Variants in DUSP13B observed in about 807,000 individuals in gnomAD.
DUSP13B encodes the protein dual specificity phosphatase 13B.
the DUSP13B span, among the ~76,000 whole-genome samples, chr10:75,095,253 T>A: frequency 6.6e-6 from 1 of 152,154 alleles, no homozygotes; most frequent in Non-Finnish European, 1.5e-5. Flanking sequence ...CCCCTGCAGC[T>A]CTATGCCAAG....
the DUSP13B span, chr10:75,103,898 G>C: frequency 7.6e-7 from 1 of 1,308,816 alleles, no homozygotes; most frequent in African/African-American, 1.5e-5. Flanking sequence ...TCCCACCTGT[G>C]GAGACTGAAG....
the DUSP13B span, chr10:75,104,102 A>C: frequency 7.5e-7 from 1 of 1,339,918 alleles, no homozygotes; most frequent in Admixed American, 2.1e-5. Flanking sequence ...CCAGCTCTGG[A>C]AGAGAGATGA....
chr10:75,108,306 G>A, the DUSP13B span: 1 of 1,494,334 alleles, frequency 6.7e-7, no homozygotes, highest in Non-Finnish European at 8.8e-7. Flanking sequence ...CGAGCCATTA[G>A]GGTCCAAAGA....
At chr10:75,103,920 G>A in the DUSP13B span, 1 of 1,314,728 alleles carries the variant, frequency 7.6e-7, no homozygotes, top group Non-Finnish European at 1.0e-6. Context: ...CAGTGGCTGA[G>A]AGGGGGTGTA....
chr10:75,098,778 C>T, the DUSP13B span, among the ~76,000 whole-genome samples: 2 of 152,138 alleles, frequency 1.3e-5, no homozygotes, highest in Non-Finnish European at 2.9e-5. Flanking sequence ...AACAAAAAGC[C>T]TGATGTCTCA....
chr10:75,101,422 C>A, the DUSP13B span, among the ~76,000 whole-genome samples: 1 of 152,162 alleles, frequency 6.6e-6, no homozygotes, highest in African/African-American at 2.4e-5. Context: ...AACTTCCCTA[C>A]GGGACAGTGA....
chr10:75,096,809 A>C, the DUSP13B span, among the ~76,000 whole-genome samples: 1 of 152,188 alleles, frequency 6.6e-6, no homozygotes, highest in African/African-American at 2.4e-5. Flanking sequence ...AATAGTCAAA[A>C]AGTGGAAACA....
the DUSP13B span, among the ~76,000 whole-genome samples, chr10:75,097,239 G>A: frequency 2.0e-5 from 3 of 150,902 alleles, no homozygotes; most frequent in East Asian, 1.9e-4. Flanking sequence ...ACAGAGTTTC[G>A]CTCTTATTGT....
chr10:75,107,063 C>A, the DUSP13B span, among the ~76,000 whole-genome samples: 1 of 152,198 alleles, frequency 6.6e-6, no homozygotes, highest in East Asian at 1.9e-4. Context: ...GGGCCGGGTG[C>A]GGTGGCTCAT....
chr10:75,103,491 G>A, the DUSP13B span, among the ~76,000 whole-genome samples: 20 of 152,238 alleles, frequency 1.3e-4, no homozygotes, highest in Admixed American at 1.0e-3. Context: ...CCTGAGGCCA[G>A]AGAGATGGTC....
the DUSP13B span, among the ~76,000 whole-genome samples, chr10:75,095,962 A>T: frequency 6.6e-6 from 1 of 151,690 alleles, no homozygotes; most frequent in Non-Finnish European, 1.5e-5. Context: ...GGAGTTTAAG[A>T]CTCCTTTTCG....
chr10:75,098,234 G>A, the DUSP13B span, among the ~76,000 whole-genome samples: 1 of 152,128 alleles, frequency 6.6e-6, no homozygotes, highest in Non-Finnish European at 1.5e-5. Flanking sequence ...GGACTTTGTA[G>A]GGATGAAAGC....
At chr10:75,101,814 A>G in the DUSP13B span, 1 of 1,053,152 alleles carries the variant, frequency 9.5e-7, no homozygotes, top group Non-Finnish European at 1.3e-6. Context: ...CTCATTACCC[A>G]GCATGCTCAG....
At chr10:75,105,754 T>C in the DUSP13B span, 1 of 1,553,398 alleles carries the variant, frequency 6.4e-7, no homozygotes, top group South Asian at 1.2e-5. Context: ...CCATCGGTGC[T>C]GCCTCACGGT....
the DUSP13B span, chr10:75,109,035 A>G: frequency 6.2e-7 from 1 of 1,610,810 alleles, no homozygotes; most frequent in Non-Finnish European, 8.5e-7. Context: ...GGTTGGGCCA[A>G]ACTTCGTCCA....
chr10:75,106,424 TCTGA>T, the DUSP13B span, among the ~76,000 whole-genome samples: 1 of 152,178 alleles, frequency 6.6e-6, no homozygotes, highest in Non-Finnish European at 1.5e-5. Context: ...CTGGTCTCGG[TCTGA>T]CTAACTTCCA....
chr10:75,108,826 G>A, the DUSP13B span, among the ~76,000 whole-genome samples: 1 of 152,178 alleles, frequency 6.6e-6, no homozygotes, highest in Non-Finnish European at 1.5e-5. Context: ...GCTCTCCCTG[G>A]TGGCCATACC....
chr10:75,099,365 A>G, the DUSP13B span: 2 of 1,232,202 alleles, frequency 1.6e-6, no homozygotes, highest in Non-Finnish European at 1.0e-6. Context: ...GGAAGTGAAG[A>G]CCAAGCTGTC....
chr10:75,102,557 C>G, the DUSP13B span, among the ~76,000 whole-genome samples: 3 of 152,298 alleles, frequency 2.0e-5, no homozygotes, highest in African/African-American at 7.2e-5. Flanking sequence ...CCTATAATCC[C>G]GACACTTTGG....
Sources: allele counts gnomAD v4.1 joint callset (sites outside exome capture counted in the v4.1 genomes callset), GRCh38; gene constraint gnomAD v4.1.1; transcripts MANE v1.5; gene names NCBI Gene and HGNC (gene_info 2026-07-23, HGNC 2026-07-21).